Variants in RILPL1 observed in about 807,000 individuals in gnomAD.
RILPL1 encodes the protein RILP-like protein 1.
In RILPL1, 33 loss-of-function variants were observed where a neutral mutation model predicts 50.3. The ratio of observed to expected loss-of-function variants is 0.66; its 90% confidence interval spans 0.50 to 0.88. The LOEUF is 0.88. Among genes scored for constraint, RILPL1 ranks in the 40% least tolerant of loss-of-function variants. The pLI is 0.00. For synonymous variants in RILPL1, 205 were observed against 228.6 expected (o/e 0.90, Z 0.93); for missense variants, 418 against 542.5 (o/e 0.77, Z 2.28).
chr12:123,527,328 CT>C (rs71308020), intron 1 of RILPL1, among the ~76,000 whole-genome samples: 5 of 146,688 alleles, frequency 3.4e-5, no homozygotes, highest in African/African-American at 5.0e-5. Flanking sequence ...AAGACCCCAA[CT>C]TTTTTTTTTT....
intron 2 of RILPL1, among the ~76,000 whole-genome samples, chr12:123,517,711 C>G (rs990592214): frequency 6.6e-6 from 1 of 152,078 alleles, no homozygotes; most frequent in Non-Finnish European, 1.5e-5. Context: ...CATGAGCCAC[C>G]GCGCTTCTGA....
At chr12:123,527,562 G>A (rs576669032) in intron 1 of RILPL1, among the ~76,000 whole-genome samples, 2 of 151,774 alleles carry the variant, frequency 1.3e-5, no homozygotes, top group African/African-American at 4.8e-5. Flanking sequence ...ACTTGAACCT[G>A]GGAGGCAGAG....
At chr12:123,501,272 A>C (rs1024652812) in intron 2 of RILPL1, among the ~76,000 whole-genome samples, 4 of 151,562 alleles carry the variant, frequency 2.6e-5, no homozygotes, top group African/African-American at 9.7e-5. Flanking sequence ...CCCTGTTTCT[A>C]CAAAAAGATT....
intron 2 of RILPL1, among the ~76,000 whole-genome samples, chr12:123,500,499 G>C (rs1433647796): frequency 1.4e-5 from 2 of 147,526 alleles, no homozygotes; most frequent in African/African-American, 5.0e-5. Context: ...TGACCAGGCT[G>C]GTCTCAAACT....
At chr12:123,520,734 C>T (rs1884973186) in intron 2 of RILPL1, among the ~76,000 whole-genome samples, 1 of 152,166 alleles carries the variant, frequency 6.6e-6, no homozygotes, top group Non-Finnish European at 1.5e-5. Flanking sequence ...CCTCCCTGCC[C>T]TGCCTCCAAC....
rs987105204 is a variant in RILPL1, at chr12:123,485,303, G to A, written c.974+330C>T. 9 of 458,392 alleles carry A rather than the reference G, an allele frequency of 2.0e-5. No homozygotes were observed. The East Asian group carries it at 3.7e-4, about 19-fold the overall frequency. The allele number at this position is 458,392 out of a possible 1,614,324, so 28.4% of individuals were successfully genotyped here. A position where few individuals can be genotyped will look rare whatever the true frequency, so the allele number is the denominator to read the frequency against. On this transcript the variant is annotated intron_variant, in intron 5 of 6. Transcript: ENST00000376874. This position sits in a 1 kb window ranked among gnomAD's most constrained non-coding sequence, Gnocchi z 4.0. ...CACATAGACCATTAACACCGGGGCC[G>A]GGTTTCATTCATTCATTCATTTAAA...
intron 2 of RILPL1, among the ~76,000 whole-genome samples, chr12:123,521,628 TACACAC>T (rs779320001): frequency 0.025 from 175 of 7,076 alleles, 2 homozygotes; most frequent in African/African-American, 0.037. Context: ...TGTATATATA[TACACAC>T]ATATGTGTAT....
At chr12:123,483,888 C>T (rs1286447817) in intron 6 of RILPL1, among the ~76,000 whole-genome samples, 1 of 152,122 alleles carries the variant, frequency 6.6e-6, no homozygotes, top group Non-Finnish European at 1.5e-5. Context: ...CCCAGAGATG[C>T]ACCCCACCCC....
chr12:123,501,944 G>C (rs937448856), intron 2 of RILPL1, among the ~76,000 whole-genome samples: 1 of 151,426 alleles, frequency 6.6e-6, no homozygotes, highest in Admixed American at 6.6e-5. Context: ...GCGTGGTGGC[G>C]CATGCCTGTA....
At chr12:123,507,621 T>C (rs1004554594) in intron 2 of RILPL1, among the ~76,000 whole-genome samples, 3 of 150,590 alleles carry the variant, frequency 2.0e-5, no homozygotes, top group East Asian at 2.0e-4. Context: ...AATTAGAACC[T>C]TTATACACTG....
Position 123,491,737 on chromosome 12 carries a change from C to T in RILPL1, c.802-5932G>A, listed in dbSNP as rs1309827900. Among the ~76,000 whole-genome samples the T allele has an allele frequency of 4.6e-5, 7 of 152,152 alleles. No homozygotes were observed. Among genetic ancestry groups the T allele is most frequent in the African/African-American group, 7.2e-5 (3 of 41,426 alleles). ...CGAAATCAAAACGTGTGGCTGGGCGCGGTGGCTCACACCTGTAATCCCAGC... is the reference window on the plus strand; with the variant it reads ...CGAAATCAAAACGTGTGGCTGGGCGTGGTGGCTCACACCTGTAATCCCAGC... On this transcript the variant is annotated intron_variant, in intron 4 of 6. Transcript: ENST00000376874. The surrounding 1 kb of genome is among the most constrained non-coding windows in gnomAD (Gnocchi z 4.0).
Position 123,522,213 on chromosome 12 carries a change from A to G in RILPL1, c.460+1282T>C, listed in dbSNP as rs777992677. Among the ~76,000 whole-genome samples, 4 of 152,172 alleles carry G rather than the reference A, an allele frequency of 2.6e-5. No homozygotes were observed. Among genetic ancestry groups the G allele is most frequent in the Non-Finnish European group, 4.4e-5 (3 of 68,030 alleles). ...GAGTTTCTCAGAAGTATTGACTCTGAGCTTTCCTTGGGGTGAGCTGCAGGA... is the reference window on the plus strand; with the variant it reads ...GAGTTTCTCAGAAGTATTGACTCTGGGCTTTCCTTGGGGTGAGCTGCAGGA... On this transcript the variant is annotated intron_variant, in intron 2 of 6. Transcript: ENST00000376874. This position sits in a 1 kb window ranked among gnomAD's most constrained non-coding sequence, Gnocchi z 4.0.
At chr12:123,472,752 G>T in intron 6 of RILPL1, 70 bp from the exon 7 acceptor site, 1 of 1,518,822 alleles carries the variant, frequency 6.6e-7, no homozygotes. Context: ...TTTTTGCAAT[G>T]CCGGAGACAT....
chr12:123,510,005 T>C (rs1182071698), intron 2 of RILPL1, among the ~76,000 whole-genome samples: 4 of 151,916 alleles, frequency 2.6e-5, no homozygotes, highest in Non-Finnish European at 5.9e-5. Context: ...ATGAGGAAGG[T>C]GGGAAAGACA....
At chr12:123,527,593 G>T (rs1482908957) in intron 1 of RILPL1, among the ~76,000 whole-genome samples, 2 of 151,974 alleles carry the variant, frequency 1.3e-5, no homozygotes, top group African/African-American at 4.8e-5. Flanking sequence ...GCTGAGGGAA[G>T]CAGAGGTTGC....
rs780817614 is a variant in RILPL1, at chr12:123,485,703, C to T, written c.904G>A (p.Val302Met). The change falls in exon 5 of 7, where the codon GTG becomes ATG. Residue 302 changes from valine to methionine, a missense_variant. By Grantham distance (21) the Val-to-Met change is conservative (BLOSUM62 1). Coordinates refer to ENST00000376874, the MANE Select transcript of RILPL1 (RefSeq NM_178314.5). This position sits in a 1 kb window ranked among gnomAD's most constrained non-coding sequence, Gnocchi z 4.0. ...PRFTLQELRD[V>M]LHERNELKSK... The stretch of plus-strand genomic sequence containing the variant: ...TTGAGCTCGTTCCTCTCGTGCAGCA[C>T]GTCCCGCAGCTCCTGCAGGGTGAAC... 1.6e-5 allele frequency: 26 copies of T among 1,613,554 alleles called. No individual in the cohort carries two copies. Among genetic ancestry groups the T allele is most frequent in the African/African-American group, 4.0e-5 (3 of 74,918 alleles).
Position 123,525,383 on chromosome 12 carries a change from A to AT in RILPL1, c.310-1739dup, listed in dbSNP as rs36117410. Among the ~76,000 whole-genome samples, 926 of 134,358 alleles carry AT rather than the reference A, an allele frequency of 6.9e-3. 30 individuals carry two copies. Among genetic ancestry groups the AT allele is most frequent in the Middle Eastern group, 0.015 (4 of 264 alleles). 88.1% of individuals were successfully genotyped at this position (134,358 alleles called of 152,430 possible). Reference sequence around the variant, plus strand: ...AGGCAGACGCCACCATGACTGGCTAATTTTTTTTTTTTTTTTTAGAGATGG... The same window carrying AT: ...AGGCAGACGCCACCATGACTGGCTAATTTTTTTTTTTTTTTTTTAGAGATGG... On this transcript the variant is annotated intron_variant, in intron 1 of 6. Coordinates refer to ENST00000376874, the MANE Select transcript of RILPL1 (RefSeq NM_178314.5).
chr12:123,507,368 G>A (rs1883811309), intron 2 of RILPL1, among the ~76,000 whole-genome samples: 2 of 151,122 alleles, frequency 1.3e-5, no homozygotes, highest in Non-Finnish European at 3.0e-5. Flanking sequence ...TTCGAGACCA[G>A]CCACTGCAAT....
At chr12:123,528,431 TTG>T (rs1885334135) in intron 1 of RILPL1, among the ~76,000 whole-genome samples, 1 of 100,378 alleles carries the variant, frequency 1.0e-5, no homozygotes, top group Admixed American at 1.1e-4. Context: ...TTGTTGTTGT[TTG>T]TTTTTTTTTT....
Sources: allele counts gnomAD v4.1 joint callset (sites outside exome capture counted in the v4.1 genomes callset), GRCh38; gene constraint gnomAD v4.1.1; non-coding constraint Gnocchi (gnomAD v3.1); transcripts MANE v1.5; gene names NCBI Gene and HGNC (gene_info 2026-07-23, HGNC 2026-07-21).